Variants in CSMD1 observed in about 807,000 individuals in gnomAD.
The protein encoded by CSMD1 is CUB and sushi domain-containing protein 1.
Under a neutral mutation model 417.5 loss-of-function variants are expected in CSMD1, and 213 were observed. That is an observed-to-expected ratio of 0.51 (90% CI 0.46 to 0.57). The LOEUF (loss-of-function observed/expected upper bound fraction) is 0.57. Ranked by LOEUF, CSMD1 falls within the 20% of genes least tolerant of loss-of-function variation. The pLI, the probability that CSMD1 is intolerant of heterozygous loss-of-function variation, is 0.00. For missense variants in CSMD1, 6,923 were observed against 4,529.7 expected, an observed-to-expected ratio of 1.53 and a Z score of -15.17; for synonymous variants, 2,862 against 1,736.8, an observed-to-expected ratio of 1.65 and a Z score of -16.11.
At chr8:3,612,126 A>G (rs1280546642) in intron 8 of CSMD1, among the ~76,000 whole-genome samples, 2 of 152,142 alleles carry the variant, frequency 1.3e-5, no homozygotes, top group East Asian at 1.9e-4. Flanking sequence ...ATTATAGACT[A>G]ACAATAATTC....
At chr8:4,501,404 A>C (rs1802252520) in intron 2 of CSMD1, among the ~76,000 whole-genome samples, 1 of 152,112 alleles carries the variant, frequency 6.6e-6, no homozygotes, top group Non-Finnish European at 1.5e-5. Context: ...TAGGCAATAG[A>C]ACGTAGAGCA....
chr8:3,233,086 T>G (rs1434735372), intron 26 of CSMD1, among the ~76,000 whole-genome samples: 1 of 112,396 alleles, frequency 8.9e-6, no homozygotes, highest in East Asian at 2.2e-4. Flanking sequence ...TTATGTTTTC[T>G]TTTCATTTTT....
intron 40 of CSMD1, among the ~76,000 whole-genome samples, chr8:3,150,132 C>T (rs1819102412): frequency 6.6e-6 from 1 of 152,166 alleles, no homozygotes; most frequent in Admixed American, 6.5e-5. Flanking sequence ...TTCATTTAGC[C>T]CTGGCAGAAT....
rs1426093901 is a variant in CSMD1 at position 4,300,526 on chromosome 8, T to A, written c.415+119427A>T. ...ACTGAAGGAAATGTCCTTTACAGAC[T>A]TTTTTTTACATTTTATTATTATTAT... On this transcript the variant is annotated intron_variant, in intron 3 of 69. Coordinates refer to ENST00000635120, the MANE Select transcript of CSMD1 (RefSeq NM_033225.6). 2.0e-5 allele frequency among the ~76,000 whole-genome samples: 3 copies of A among 151,930 alleles called. No individual in the cohort carries two copies. In the East Asian group the frequency reaches 5.8e-4, roughly 29 times the overall value.
At chr8:4,461,865 CG>C (rs1799851492) in intron 2 of CSMD1, among the ~76,000 whole-genome samples, 1 of 151,538 alleles carries the variant, frequency 6.6e-6, no homozygotes, top group African/African-American at 2.4e-5. Flanking sequence ...CTCAGCCTCC[CG>C]AGTAGCTCGG....
chr8:3,987,145 C>G (rs1230728794), intron 5 of CSMD1, among the ~76,000 whole-genome samples: 1 of 152,178 alleles, frequency 6.6e-6, no homozygotes, highest in Non-Finnish European at 1.5e-5. Context: ...CAGCGTCTAT[C>G]CGAGTTCTAT....
intron 5 of CSMD1, among the ~76,000 whole-genome samples, chr8:3,977,643 A>C (rs1297054129): frequency 1.3e-5 from 2 of 152,194 alleles, no homozygotes; most frequent in Non-Finnish European, 2.9e-5. Context: ...CTTGAGAGAA[A>C]TCTGGAACCT....
chr8:3,324,654 G>A (rs942986093), intron 23 of CSMD1, among the ~76,000 whole-genome samples: 4 of 146,052 alleles, frequency 2.7e-5, no homozygotes, highest in Non-Finnish European at 6.0e-5. Context: ...CCACCCCAGA[G>A]ACCCAGTAGA....
intron 1 of CSMD1, among the ~76,000 whole-genome samples, chr8:4,953,816 C>A (rs1016322368): frequency 6.6e-6 from 1 of 152,126 alleles, no homozygotes; most frequent in African/African-American, 2.4e-5. Context: ...TGTGAACTAT[C>A]TGCCACAGGA....
chr8:4,555,281 G>A (rs34787327), intron 2 of CSMD1, among the ~76,000 whole-genome samples: 40,607 of 151,964 alleles, frequency 0.27, 6,152 homozygotes, highest in South Asian at 0.39. Flanking sequence ...GAAGATGCCA[G>A]AAAAAAGACA....
At chr8:3,479,712 A>G (rs1817627160) in intron 11 of CSMD1, among the ~76,000 whole-genome samples, 1 of 152,234 alleles carries the variant, frequency 6.6e-6, no homozygotes, top group Non-Finnish European at 1.5e-5. Flanking sequence ...GAGCTGGGAC[A>G]CAATCATCAC....
At position 4,427,614 on chromosome 8, in the gene CSMD1, T is replaced by C. The variant is rs75577857; in HGVS notation, c.303-7549A>G. ...GGAGAGAGACTCGAAGTAAAAATTA[T>C]TGTAAATTCCATGTAATAATTACAT... On this transcript the variant is annotated intron_variant, in intron 2 of 69. Coordinates refer to ENST00000635120, the MANE Select transcript of CSMD1 (RefSeq NM_033225.6). Among the ~76,000 whole-genome samples the C allele has an allele frequency of 3.8e-3, 581 of 152,286 alleles. 4 individuals are homozygous for C. The highest frequency in any genetic ancestry group is 0.013 in the African/African-American group (549 of 41,558).
intron 26 of CSMD1, among the ~76,000 whole-genome samples, chr8:3,279,582 G>C (rs1802576081): frequency 6.6e-6 from 1 of 152,088 alleles, no homozygotes; most frequent in African/African-American, 2.4e-5. Context: ...GAAATTCTAG[G>C]AAGAAGGGAT....
chr8:4,060,805 A>G (rs1412771689), intron 3 of CSMD1, among the ~76,000 whole-genome samples: 3 of 152,144 alleles, frequency 2.0e-5, no homozygotes, highest in Non-Finnish European at 2.9e-5. Flanking sequence ...AAAAGGTAGG[A>G]ATGGGGCAAG....
chr8:3,959,539 GAAAA>G (rs762086605), intron 5 of CSMD1, among the ~76,000 whole-genome samples: 134 of 152,232 alleles, frequency 8.8e-4, no homozygotes, highest in Non-Finnish European at 1.6e-3. Flanking sequence ...ACGAAAGAAA[GAAAA>G]GAGAGACAAA....
At chr8:3,428,959 T>C (rs1311365763) in intron 12 of CSMD1, among the ~76,000 whole-genome samples, 2 of 152,154 alleles carry the variant, frequency 1.3e-5, no homozygotes, top group Admixed American at 1.3e-4. Flanking sequence ...CACATCATCA[T>C]CTCACTTTTA....
chr8:4,057,626 G>A (rs1196462775), intron 3 of CSMD1, among the ~76,000 whole-genome samples: 2 of 142,624 alleles, frequency 1.4e-5, no homozygotes, highest in African/African-American at 2.5e-5. Flanking sequence ...TGTCCTGAAT[G>A]GTAATGCCTA....
At chr8:4,419,637 G>C (rs139727752) in intron 3 of CSMD1, among the ~76,000 whole-genome samples, 142 of 152,216 alleles carry the variant, frequency 9.3e-4, no homozygotes, top group African/African-American at 2.6e-3. Flanking sequence ...CATTAAAAAT[G>C]AACTCTTTAC....
intron 37 of CSMD1, among the ~76,000 whole-genome samples, chr8:3,179,768 A>G (rs1479417786): frequency 6.6e-6 from 1 of 152,212 alleles, no homozygotes; most frequent in African/African-American, 2.4e-5. Flanking sequence ...GAGAGTCACA[A>G]AGTATATCAA....
Sources: allele counts gnomAD v4.1 joint callset (sites outside exome capture counted in the v4.1 genomes callset), GRCh38; gene constraint gnomAD v4.1.1; transcripts MANE v1.5; gene names NCBI Gene and HGNC (gene_info 2026-07-23, HGNC 2026-07-21).